Variants in NIPAL3 observed in about 807,000 individuals in gnomAD.
NIPAL3 encodes the protein NIPA like domain containing 3.
Under a neutral mutation model 47.2 loss-of-function variants are expected in NIPAL3, and 41 were observed. The observed-to-expected ratio is 0.87, with a 90% CI of 0.68 to 1.13. The LOEUF (loss-of-function observed/expected upper bound fraction) is 1.13, where lower values mean the gene tolerates loss of function less well. Ranked by LOEUF, NIPAL3 falls within the 50% of genes most tolerant of loss-of-function variation. The pLI, the probability that NIPAL3 is intolerant of heterozygous loss-of-function variation, is 0.00. For synonymous variants in NIPAL3, 194 were observed against 209.6 expected, an observed-to-expected ratio of 0.93 and a Z score of 0.64; for missense variants, 449 against 530.1, an observed-to-expected ratio of 0.85 and a Z score of 1.50.
At chr1:24,467,279 C>T (rs1234066874) in intron 11 of NIPAL3, among the ~76,000 whole-genome samples, 2 of 149,710 alleles carry the variant, frequency 1.3e-5, no homozygotes, top group Non-Finnish European at 3.0e-5. Flanking sequence ...CTGGCTAACA[C>T]GGTGAAACCC....
Position 24,454,082 on chromosome 1 carries a change from A to G in NIPAL3, c.637+578A>G. ...TGCTCTGTCACCCAGGCTGGAGTGC[A>G]GTGGTACAATCTTAGCTCTCTGCAG... On this transcript the variant is annotated intron_variant, in intron 7 of 11. Transcript: ENST00000374399. This position sits in a 1 kb window ranked among gnomAD's most constrained non-coding sequence, Gnocchi z 4.1. 1 of 721,310 alleles carries G rather than the reference A, an allele frequency of 1.4e-6. No individual in the cohort carries two copies. Among genetic ancestry groups the G allele is most frequent in the Non-Finnish European group, 2.1e-6 (1 of 477,056 alleles). The allele number at this position is 721,310 out of a possible 1,614,324, so 44.7% of individuals were successfully genotyped here.
intron 2 of NIPAL3, among the ~76,000 whole-genome samples, chr1:24,430,434 G>A (rs533048066): frequency 4.5e-4 from 69 of 152,058 alleles, no homozygotes; most frequent in Admixed American, 7.9e-4. Flanking sequence ...ATTTTTGGTA[G>A]AGATGGGGTT....
intron 2 of NIPAL3, among the ~76,000 whole-genome samples, chr1:24,420,363 G>A (rs772665928): frequency 9.2e-5 from 14 of 152,114 alleles, no homozygotes; most frequent in Admixed American, 3.9e-4. Flanking sequence ...TTAGCCAGGT[G>A]TGGTGGCATG....
Position 24,464,048 on chromosome 1 carries a change from GTCT to G in NIPAL3, c.954_956del (p.Phe318del), listed in dbSNP as rs1557537285. 1 of 1,611,782 alleles carries G rather than the reference GTCT, an allele frequency of 6.2e-7. No individual in the cohort carries two copies. The highest frequency in any genetic ancestry group is 2.2e-5 in the East Asian group (1 of 44,836). On this transcript the variant is annotated inframe_deletion, in exon 11 of 12. Coordinates refer to ENST00000374399, the MANE Select transcript of NIPAL3 (RefSeq NM_020448.5). The stretch of plus-strand genomic sequence containing the variant: ...CAGGTGCCTCATTGCATTCTTGGGC[GTCT>G]TCTTAATCACGCGTAACAGGAAGAA...
intron 11 of NIPAL3, chr1:24,465,497 A>G (rs1646660402): frequency 6.6e-6 from 1 of 152,278 alleles, no homozygotes; most frequent in African/African-American, 2.4e-5. Context: ...TTAGATATCA[A>G]CATTCTGTGG....
At position 24,464,081 on chromosome 1, in the gene NIPAL3, A is replaced by G. The variant is rs150070373; in HGVS notation, c.982A>G (p.Ile328Val). Residue 328 changes from isoleucine (I) to valine (V), a missense_variant, in exon 11 of 12, where the codon ATT (isoleucine) becomes GTT (valine). Ile to Val is a conservative substitution (Grantham distance 29, BLOSUM62 3). Transcript: ENST00000374399. ...AATCACGCGTAACAGGAAGAAGCCC[A>G]TTCCATTTGAGCCCTATATTTCCAT... ...FLITRNRKKP[I>V]PFEPYISMDA... is the part of the protein sequence containing the mutation. The G allele has an allele frequency of 5.2e-5, 84 of 1,613,618 alleles. No homozygotes were observed. Among genetic ancestry groups the G allele is most frequent in the Non-Finnish European group, 7.0e-5 (83 of 1,179,724 alleles).
intron 2 of NIPAL3, among the ~76,000 whole-genome samples, chr1:24,427,037 A>G (rs2148764527): frequency 6.6e-6 from 1 of 152,328 alleles, no homozygotes. Flanking sequence ...CTCCACCCCT[A>G]AAATAACCCC....
At position 24,449,557 on chromosome 1, in the gene NIPAL3, C is replaced by T. The variant is rs1645834611; in HGVS notation, c.471C>T (p.Asn157=). 6.2e-7 allele frequency: 1 copy of T among 1,614,136 alleles called. No individual in the cohort carries two copies. The highest frequency in any genetic ancestry group is 8.5e-7 in the Non-Finnish European group (1 of 1,180,026). The change falls in exon 6 of 12, where the codon AAC becomes AAT. Residue 157 remains asparagine (N), a synonymous_variant. Transcript: ENST00000374399. This position sits in a 1 kb window ranked among gnomAD's most constrained non-coding sequence, Gnocchi z 4.5. ...GTYLLVTFAP[N]SHEKMTGENV... ...ACCTGCTGGTGACATTCGCACCCAA[C>T]AGTCACGAGAAGATGACAGGCGAGA...
intron 4 of NIPAL3, among the ~76,000 whole-genome samples, chr1:24,442,533 A>G (rs566913042): frequency 1.3e-5 from 2 of 152,376 alleles, no homozygotes; most frequent in South Asian, 4.1e-4. Flanking sequence ...GGGCTGGGAT[A>G]TGAACTGGGC....
chr1:24,439,813 A>G (rs957836622), intron 2 of NIPAL3, among the ~76,000 whole-genome samples: 2 of 152,246 alleles, frequency 1.3e-5, no homozygotes, highest in African/African-American at 4.8e-5. Flanking sequence ...AAGATAGCAA[A>G]AAGTATTCTC....
At position 24,458,851 on chromosome 1, in the gene NIPAL3, T is replaced by G. The variant is rs532426841; in HGVS notation, c.774-37T>G. The G allele has an allele frequency of 2.6e-6, 4 of 1,542,500 alleles. No homozygotes were observed. In the African/African-American group the frequency reaches 5.4e-5, roughly 21 times the overall value. On this transcript the variant is annotated intron_variant, in intron 8 of 11. Transcript: ENST00000374399. ...GTCAGCTCTTAGCCTTTCCAACGTC[T>G]CCACAGCCCACTGACTGGAGTGCTT...
chr1:24,428,274 G>GAGAGAGAC (rs1218604763), intron 2 of NIPAL3, among the ~76,000 whole-genome samples: 2 of 149,978 alleles, frequency 1.3e-5, no homozygotes, highest in Non-Finnish European at 3.0e-5. Flanking sequence ...GAGAGAGAGA[G>GAGAGAGAC]AGAGAGAGAG....
intron 4 of NIPAL3, among the ~76,000 whole-genome samples, chr1:24,444,251 C>A (rs1257846688): frequency 6.6e-6 from 1 of 152,060 alleles, no homozygotes. Flanking sequence ...TTACATATAT[C>A]ATTGAATTAC....
intron 11 of NIPAL3, among the ~76,000 whole-genome samples, chr1:24,468,408 T>C (rs1646788375): frequency 6.6e-6 from 1 of 152,130 alleles, no homozygotes. Flanking sequence ...AATTAAAGAT[T>C]AAAGGCTTTG....
intron 3 of NIPAL3, among the ~76,000 whole-genome samples, chr1:24,441,106 A>G (rs577087515): frequency 2.6e-5 from 4 of 152,128 alleles, no homozygotes; most frequent in Non-Finnish European, 5.9e-5. Flanking sequence ...TGCTAACAGG[A>G]TGAATCCCAC....
chr1:24,441,728 T>C (rs1048886457), intron 3 of NIPAL3, among the ~76,000 whole-genome samples: 1 of 152,200 alleles, frequency 6.6e-6, no homozygotes, highest in African/African-American at 2.4e-5. Context: ...TGAGACTGCA[T>C]TGCCTGTGAC....
chr1:24,437,055 T>G (rs1645149550), intron 2 of NIPAL3, among the ~76,000 whole-genome samples: 1 of 151,966 alleles, frequency 6.6e-6, no homozygotes, highest in Non-Finnish European at 1.5e-5. Flanking sequence ...ATTGAGACCA[T>G]CCTGGATAAC....
chr1:24,427,282 G>A (rs993748018), intron 2 of NIPAL3, among the ~76,000 whole-genome samples: 21 of 152,218 alleles, frequency 1.4e-4, no homozygotes, highest in African/African-American at 5.1e-4. Flanking sequence ...TGCCTCGTAG[G>A]TGTGTGTACA....
intron 8 of NIPAL3, among the ~76,000 whole-genome samples, chr1:24,457,134 G>A (rs1013382068): frequency 2.4e-4 from 36 of 152,144 alleles, no homozygotes; most frequent in African/African-American, 8.2e-4. Flanking sequence ...CGTCTCAGGG[G>A]CCTCGGAAGC....
Sources: allele counts gnomAD v4.1 joint callset (sites outside exome capture counted in the v4.1 genomes callset), GRCh38; gene constraint gnomAD v4.1.1; non-coding constraint Gnocchi (gnomAD v3.1); transcripts MANE v1.5; gene names NCBI Gene and HGNC (gene_info 2026-07-23, HGNC 2026-07-21).